The following INTS6 variants were observed in gnomAD, a reference collection of about 807,000 sequenced individuals.
INTS6 encodes DEAD box protein.
In INTS6, 16 loss-of-function variants were observed where a neutral mutation model predicts 104.9. That is an observed-to-expected ratio of 0.15 (90% CI 0.10 to 0.23). The LOEUF (loss-of-function observed/expected upper bound fraction) is 0.23, where lower values mean the gene tolerates loss of function less well. Among genes scored for constraint, INTS6 ranks in the 10% least tolerant of loss-of-function variants. The pLI is 1.00. For missense variants in INTS6, 584 were observed against 1,062.8 expected (o/e 0.55, Z 6.26); for synonymous variants, 324 against 358.7 (o/e 0.90, Z 1.09).
the INTS6 span, among the ~76,000 whole-genome samples, chr13:51,336,064 CAT>C: frequency 6.6e-6 from 1 of 152,162 alleles, no homozygotes; most frequent in Non-Finnish European, 1.5e-5. Context: ...AACATAATAA[CAT>C]AATAGTTAAC....
downstream of INTS6, among the ~76,000 whole-genome samples, chr13:51,353,311 A>T (rs1214970597): frequency 2.0e-5 from 3 of 152,240 alleles, no homozygotes; most frequent in Non-Finnish European, 2.9e-5. Flanking sequence ...AAAATAATTT[A>T]AAAATCACAA....
downstream of INTS6, among the ~76,000 whole-genome samples, chr13:51,353,147 C>A (rs751440485): frequency 6.6e-6 from 1 of 152,092 alleles, no homozygotes; most frequent in East Asian, 1.9e-4. Context: ...GCCTTCATAG[C>A]CATACAAGAC....
rs763886704 is a variant in INTS6, at chr13:51,361,820, A to T, written c.*3932T>A. 4 of 1,605,094 alleles carry T rather than the reference A, an allele frequency of 2.5e-6. No individual in the cohort carries two copies. Among genetic ancestry groups the T allele is most frequent in the Non-Finnish European group, 3.4e-6 (4 of 1,176,994 alleles). On this transcript the variant is annotated 3_prime_UTR_variant, in exon 18 of 18. Coordinates refer to ENST00000311234, the MANE Select transcript of INTS6 (RefSeq NM_012141.3). ...CTTTCTTTCCTGCAGCTCTGTTGTT[A>T]TTGAAAAGGTCTCGGATTCCTATTT...
rs148034854 is a variant in INTS6 at position 51,381,024 on chromosome 13, G to A, written c.1275+1005C>T. 6.6e-3 allele frequency among the ~76,000 whole-genome samples: 1,004 copies of A among 152,130 alleles called. 14 individuals are homozygous for A. The highest frequency in any genetic ancestry group is 0.023 in the African/African-American group (947 of 41,498). On this transcript the variant is annotated intron_variant, in intron 10 of 17. Coordinates refer to ENST00000311234, the MANE Select transcript of INTS6 (RefSeq NM_012141.3). ...AAACGTTAGGAAAAAAAAATGGATC[G>A]TTGCATCTGTACTGAACATATATAC...
At chr13:51,438,420 T>G (rs1488643784) in intron 3 of INTS6, 1 of 151,936 alleles carries the variant, frequency 6.6e-6, no homozygotes, top group East Asian at 1.9e-4. Flanking sequence ...ACCTTAGAAA[T>G]GCACTTCATG....
intron 3 of INTS6, chr13:51,446,098 T>G (rs1241914460): frequency 6.6e-6 from 1 of 152,168 alleles, no homozygotes; most frequent in African/African-American, 2.4e-5. Context: ...ATAAAAATTT[T>G]GTGCACTGAA....
chr13:51,337,046 T>A, the INTS6 span, among the ~76,000 whole-genome samples: 2 of 152,236 alleles, frequency 1.3e-5, no homozygotes, highest in African/African-American at 4.8e-5. Flanking sequence ...CATCTGGCTG[T>A]GCAGCACCAT....
chr13:51,425,115 G>C (rs1391339802), intron 4 of INTS6, among the ~76,000 whole-genome samples: 1 of 151,844 alleles, frequency 6.6e-6, no homozygotes, highest in Non-Finnish European at 1.5e-5. Flanking sequence ...TAATCATTAA[G>C]AATTAAATGC....
At chr13:51,404,164 G>C (rs9563051) in intron 4 of INTS6, among the ~76,000 whole-genome samples, 25,675 of 150,482 alleles carry the variant, frequency 0.17, 2,386 homozygotes, top group South Asian at 0.27. Flanking sequence ...GTCCCAGCTA[G>C]TTGGGAGGCT....
the INTS6 span, among the ~76,000 whole-genome samples, chr13:51,345,592 CAAAAAAAAAAAA>C: frequency 5.4e-5 from 2 of 37,018 alleles, no homozygotes; most frequent in Admixed American, 3.1e-4. Context: ...GATTTCATCT[CAAAAAAAAAAAA>C]AAAAAAAAAA....
chr13:51,350,010 C>A (rs992109298), downstream of INTS6, among the ~76,000 whole-genome samples: 1 of 152,174 alleles, frequency 6.6e-6, no homozygotes, highest in Non-Finnish European at 1.5e-5. Context: ...TAGGTATAAA[C>A]TTTGGATCAC....
intron 4 of INTS6, among the ~76,000 whole-genome samples, chr13:51,428,912 A>G (rs988805834): frequency 2.0e-5 from 3 of 152,228 alleles, no homozygotes; most frequent in Non-Finnish European, 4.4e-5. Context: ...TCCCCCAAAT[A>G]AGAGCAGAGA....
rs1156559519 is a variant in INTS6, at chr13:51,374,882, G to GT, written c.1730-87dup. 35 of 1,361,846 alleles carry GT rather than the reference G, an allele frequency of 2.6e-5. No homozygotes were observed. In the African/African-American group the frequency reaches 4.6e-4, roughly 18 times the overall value. 84.4% of individuals were successfully genotyped at this position (1,361,846 alleles called of 1,614,324 possible). ...TCCTTATATATGAATGCTACCTAGT[G>GT]TTATTCTAGACAGTCTTCTTTACCA... On this transcript the variant is annotated intron_variant, in intron 13 of 17. Coordinates refer to ENST00000311234, the MANE Select transcript of INTS6 (RefSeq NM_012141.3).
intron 5 of INTS6, among the ~76,000 whole-genome samples, chr13:51,394,338 AC>A (rs1956296901): frequency 6.6e-6 from 1 of 152,204 alleles, no homozygotes; most frequent in Non-Finnish European, 1.5e-5. Context: ...TATCTATTTC[AC>A]ACACCTGTGT....
At chr13:51,392,565 C>A (rs1956263109) in intron 5 of INTS6, among the ~76,000 whole-genome samples, 1 of 152,190 alleles carries the variant, frequency 6.6e-6, no homozygotes, top group Non-Finnish European at 1.5e-5. Flanking sequence ...CTTTCCTTGC[C>A]ATTTCCTCTG....
chr13:51,391,246 T>C (rs1956241885), intron 5 of INTS6, among the ~76,000 whole-genome samples: 1 of 152,078 alleles, frequency 6.6e-6, no homozygotes, highest in African/African-American at 2.4e-5. Context: ...TTTAAGCATA[T>C]TCCTAAGATG....
At chr13:51,349,644 A>AC (rs979742884), downstream of INTS6, among the ~76,000 whole-genome samples, 2 of 152,118 alleles carry the variant, frequency 1.3e-5, no homozygotes, top group African/African-American at 4.8e-5. Context: ...CCTGGAAGAG[A>AC]CCCCGGGGAA....
Position 51,365,029 on chromosome 13 carries a change from G to A in INTS6, c.*723C>T, listed in dbSNP as rs765741855. 3.9e-5 allele frequency: 6 copies of A among 152,452 alleles called. No individual in the cohort carries two copies. The highest frequency in any genetic ancestry group is 1.2e-4 in the African/African-American group (5 of 41,428). The allele number at this position is 152,452 out of a possible 1,614,324, so 9.4% of individuals were successfully genotyped here. Reference sequence around the variant, plus strand: ...GGCAGAAATGGGAGTATGTTGGCATGGCCAACAAAAACTACGAACATATAG... The same window carrying A: ...GGCAGAAATGGGAGTATGTTGGCATAGCCAACAAAAACTACGAACATATAG... On this transcript the variant is annotated 3_prime_UTR_variant, in exon 18 of 18. Coordinates refer to ENST00000311234, the MANE Select transcript of INTS6 (RefSeq NM_012141.3).
chr13:51,376,363 G>A (rs766775469), intron 12 of INTS6, among the ~76,000 whole-genome samples, 189 bp from the exon 13 acceptor site: 12 of 152,076 alleles, frequency 7.9e-5, no homozygotes, highest in Non-Finnish European at 1.5e-4. Context: ...ATTTGGTAGT[G>A]AGCTCAACCA....
Sources: allele counts gnomAD v4.1 joint callset (sites outside exome capture counted in the v4.1 genomes callset), GRCh38; gene constraint gnomAD v4.1.1; transcripts MANE v1.5; gene names NCBI Gene and HGNC (gene_info 2026-07-23, HGNC 2026-07-21).